SYT14: variants seen among roughly 807,000 people sequenced by gnomAD.
The protein encoded by SYT14 is synaptotagmin 14.
SYT14 carries 32 observed loss-of-function variants against 74.2 expected under a neutral mutation model. That is an observed-to-expected ratio of 0.43 (90% CI 0.33 to 0.58). SYT14 has a LOEUF of 0.58. Among genes scored for constraint, SYT14 ranks in the 20% least tolerant of loss-of-function variants. The pLI, the probability that SYT14 is intolerant of heterozygous loss-of-function variation, is 0.05. For missense variants in SYT14, 791 were observed against 981.8 expected, an observed-to-expected ratio of 0.81 and a Z score of 2.60; for synonymous variants, 298 against 337.7, an observed-to-expected ratio of 0.88 and a Z score of 1.29.
chr1:210,082,530 A>G (rs116446255), intron 5 of SYT14, among the ~76,000 whole-genome samples: 4,145 of 152,284 alleles, frequency 0.027, 200 homozygotes, highest in African/African-American at 0.093. Flanking sequence ...CCGTGAGACT[A>G]TGAGTGTAGA....
intron 2 of SYT14, chr1:209,953,156 C>T (rs1464375758): frequency 7.8e-7 from 1 of 1,289,988 alleles, no homozygotes; most frequent in African/African-American, 1.5e-5. Flanking sequence ...AAATCGGGAA[C>T]ATATCCAAAG....
At chr1:209,995,616 G>A (rs148162490) in intron 2 of SYT14, among the ~76,000 whole-genome samples, 262 of 152,212 alleles carry the variant, frequency 1.7e-3, no homozygotes, top group African/African-American at 5.4e-3. Flanking sequence ...CTTAAACTCA[G>A]CATTTGACCA....
chr1:210,148,183 A>G (rs932822059), intron 7 of SYT14, among the ~76,000 whole-genome samples: 2 of 152,188 alleles, frequency 1.3e-5, no homozygotes, highest in Non-Finnish European at 2.9e-5. Context: ...AAATACCTAA[A>G]TTTGTGGATT....
intron 7 of SYT14, among the ~76,000 whole-genome samples, chr1:210,154,233 T>G (rs2083224642): frequency 6.6e-6 from 1 of 152,274 alleles, no homozygotes; most frequent in South Asian, 2.1e-4. Context: ...TAGAAAGATG[T>G]CTATTTCAGA....
chr1:209,957,906 A>G (rs921963385), intron 2 of SYT14, among the ~76,000 whole-genome samples: 32 of 152,012 alleles, frequency 2.1e-4, no homozygotes, highest in Admixed American at 2.0e-3. Flanking sequence ...TAACTTCTTA[A>G]TATTTTTTCT....
At chr1:210,141,308 GTTTTC>G (rs2082910094) in intron 7 of SYT14, among the ~76,000 whole-genome samples, 1 of 152,044 alleles carries the variant, frequency 6.6e-6, no homozygotes, top group South Asian at 2.1e-4. Context: ...GAATGGAATT[GTTTTC>G]TTAATTTTTT....
chr1:209,953,613 A>G (rs545227949), intron 2 of SYT14, among the ~76,000 whole-genome samples: 1 of 152,306 alleles, frequency 6.6e-6, no homozygotes, highest in East Asian at 1.9e-4. Flanking sequence ...TGGCAGGAAA[A>G]TATCAGCATG....
At chr1:210,151,721 T>C (rs2083168227) in intron 7 of SYT14, among the ~76,000 whole-genome samples, 1 of 152,202 alleles carries the variant, frequency 6.6e-6, no homozygotes, top group Admixed American at 6.5e-5. Context: ...TCTTGTGTTA[T>C]GTAAACACCA....
chr1:210,062,149 A>T (rs1027968178), intron 5 of SYT14, among the ~76,000 whole-genome samples: 2 of 151,802 alleles, frequency 1.3e-5, no homozygotes, highest in African/African-American at 4.8e-5. Context: ...ATTATGCATG[A>T]CTGTCTGGTG....
intron 2 of SYT14, among the ~76,000 whole-genome samples, chr1:209,976,143 T>C (rs2079359237): frequency 6.6e-6 from 1 of 152,148 alleles, no homozygotes; most frequent in Admixed American, 6.5e-5. Flanking sequence ...TTTGATCTTT[T>C]CAAAAAACCA....
At chr1:210,157,356 C>T (rs1284168966) in intron 8 of SYT14, among the ~76,000 whole-genome samples, 2 of 151,594 alleles carry the variant, frequency 1.3e-5, no homozygotes, top group East Asian at 2.0e-4. Context: ...GTGGAAGGAT[C>T]GCTTGAGCCA....
chr1:210,128,483 T>G (rs187514436), intron 7 of SYT14, among the ~76,000 whole-genome samples: 184 of 152,356 alleles, frequency 1.2e-3, no homozygotes, highest in African/African-American at 4.2e-3. Flanking sequence ...ATATTTATTT[T>G]TCCTTTCATC....
At chr1:209,975,036 T>G (rs2079332270) in intron 2 of SYT14, among the ~76,000 whole-genome samples, 1 of 152,202 alleles carries the variant, frequency 6.6e-6, no homozygotes, top group Non-Finnish European at 1.5e-5. Context: ...TGTATAAGAA[T>G]GCTTGTGATT....
At chr1:209,978,616 CT>C (rs2079416557) in intron 2 of SYT14, among the ~76,000 whole-genome samples, 1 of 152,190 alleles carries the variant, frequency 6.6e-6, no homozygotes, top group South Asian at 2.1e-4. Flanking sequence ...TCTGCCCCTA[CT>C]GGGGGGTGCC....
chr1:210,048,478 C>A (rs2080927802), intron 5 of SYT14, among the ~76,000 whole-genome samples: 2 of 152,148 alleles, frequency 1.3e-5, no homozygotes, highest in Admixed American at 1.3e-4. Context: ...GGGAAAGTCC[C>A]CCTTTTAAAA....
intron 7 of SYT14, among the ~76,000 whole-genome samples, chr1:210,102,953 C>T (rs2082094794): frequency 1.3e-5 from 2 of 152,202 alleles, no homozygotes; most frequent in Middle Eastern, 3.4e-3. Flanking sequence ...GCTGGGATTA[C>T]AGGCATGAGG....
intron 5 of SYT14, among the ~76,000 whole-genome samples, chr1:210,072,548 G>C (rs1325119788): frequency 6.6e-6 from 1 of 152,004 alleles, no homozygotes; most frequent in Non-Finnish European, 1.5e-5. Context: ...ACTCATAGTA[G>C]TGCAGTTTCT....
At chr1:209,940,091 A>G (rs187086895) in intron 1 of SYT14, among the ~76,000 whole-genome samples, 3 of 152,346 alleles carry the variant, frequency 2.0e-5, no homozygotes, top group South Asian at 2.1e-4. Flanking sequence ...CAGGAATTAT[A>G]TCTTTTCTAG....
intron 5 of SYT14, among the ~76,000 whole-genome samples, chr1:210,056,919 A>T (rs2081110470): frequency 6.6e-6 from 1 of 151,702 alleles, no homozygotes; most frequent in South Asian, 2.1e-4. Flanking sequence ...GTCTCGTCTC[A>T]CTGCAACCTC....
Sources: allele counts gnomAD v4.1 joint callset (sites outside exome capture counted in the v4.1 genomes callset), GRCh38; gene constraint gnomAD v4.1.1; transcripts MANE v1.5; gene names NCBI Gene and HGNC (gene_info 2026-07-23, HGNC 2026-07-21).